Variants in SYCE1L observed in about 807,000 individuals in gnomAD.
SYCE1L encodes the protein synaptonemal complex central element protein 1 like.
SYCE1L carries 51 observed loss-of-function variants against 39.6 expected under a neutral mutation model. The observed-to-expected ratio is 1.29, with a 90% confidence interval of 1.03 to 1.63. SYCE1L has a LOEUF of 1.63. SYCE1L is among the 40% of genes most tolerant of loss of function. The probability of loss-of-function intolerance (pLI) is 0.00; values close to 1 mark genes in which losing one functional copy is unlikely to be tolerated. For synonymous variants in SYCE1L, 147 were observed against 122.4 expected, an observed-to-expected ratio of 1.20 and a Z score of -1.33; for missense variants, 426 against 304.9, an observed-to-expected ratio of 1.40 and a Z score of -2.96.
At position 77,200,291 on chromosome 16, in the gene SYCE1L, T is replaced by TATATATATATGTATATATATAC; in HGVS notation, c.61+780_61+781insTATATATATGTATATATATACA. On this transcript the variant is annotated intron_variant, in intron 1 of 10. Transcript: ENST00000378644. ...ATATATGTGTATATATATATATATA[T>TATATATATATGTATATATATAC]ACACACACTAATCAGCCGGGCGCGG... The TATATATATATGTATATATATAC allele has an allele frequency of 2.7e-5, 3 of 111,430 alleles. 1 individual carries two copies. The highest frequency in any genetic ancestry group is 5.7e-5 in the Non-Finnish European group (3 of 52,240). 6.9% of individuals were successfully genotyped at this position (111,430 alleles called of 1,614,324 possible).
At chr16:77,202,885 C>A (rs1038446753) in intron 1 of SYCE1L, among the ~76,000 whole-genome samples, 4 of 152,186 alleles carry the variant, frequency 2.6e-5, no homozygotes, top group Non-Finnish European at 4.4e-5. Flanking sequence ...TCTCTACTCT[C>A]ATGTGCATTT....
At chr16:77,212,260 C>T in intron 8 of SYCE1L, 22 bp from the exon 9 acceptor site, 3 of 1,521,062 alleles carry the variant, frequency 2.0e-6, no homozygotes, top group Non-Finnish European at 2.6e-6. Flanking sequence ...CGGCCCTGCC[C>T]CTGACGCCCG....
intron 6 of SYCE1L, 134 bp downstream of exon 6, chr16:77,209,605 G>T: frequency 6.6e-6 from 6 of 910,654 alleles, no homozygotes; most frequent in Non-Finnish European, 9.9e-6. Context: ...CCTGACAAAA[G>T]ATTTCCTTGG....
chr16:77,199,528 G>T lies in SYCE1L; in HGVS notation c.61+16G>T. ...GAGGCTGAAGGTAGTGAGGGCAAGT[G>T]GGCTGCACTCCTTTCTCTCCAACCA... On this transcript the variant is annotated intron_variant, in intron 1 of 10. Coordinates refer to ENST00000378644, the MANE Select transcript of SYCE1L (RefSeq NM_001129979.3). The T allele has an allele frequency of 2.6e-6, 4 of 1,545,032 alleles. No individual in the cohort carries two copies. Among genetic ancestry groups the T allele is most frequent in the Non-Finnish European group, 3.5e-6 (4 of 1,141,196 alleles).
chr16:77,200,389 T>G (rs1196041150), intron 1 of SYCE1L: 1 of 148,816 alleles, frequency 6.7e-6, no homozygotes, highest in Non-Finnish European at 1.5e-5. Flanking sequence ...GAGGCGGAGG[T>G]TGCAGTGAGC....
chr16:77,206,413 C>A, intron 1 of SYCE1L, 28 bp from the exon 2 acceptor site: 1 of 1,549,146 alleles, frequency 6.5e-7, no homozygotes, highest in Non-Finnish European at 8.7e-7. Context: ...CTCGCTGTGT[C>A]CTGTAATTTT....
At chr16:77,203,394 C>A (rs745914894) in intron 1 of SYCE1L, among the ~76,000 whole-genome samples, 18 of 146,698 alleles carry the variant, frequency 1.2e-4, no homozygotes, top group South Asian at 2.2e-4. Context: ...TAAAATAATA[C>A]ATACTAATTT....
At chr16:77,204,087 A>G (rs946092106) in intron 1 of SYCE1L, among the ~76,000 whole-genome samples, 4 of 151,952 alleles carry the variant, frequency 2.6e-5, no homozygotes, top group African/African-American at 9.7e-5. Context: ...AAAAAAGAAA[A>G]AGATTAAAAA....
chr16:77,200,848 AGT>A (rs1407186169), intron 1 of SYCE1L: 2 of 152,182 alleles, frequency 1.3e-5, no homozygotes, highest in East Asian at 3.8e-4. Flanking sequence ...AAATATTCAA[AGT>A]GTACCAACGT....
chr16:77,208,431 A>G (rs375064279), intron 3 of SYCE1L, 34 bp from the exon 4 acceptor site: 3 of 1,551,282 alleles, frequency 1.9e-6, no homozygotes, highest in Non-Finnish European at 2.6e-6. Flanking sequence ...TAGAGACTAC[A>G]CTCATACAGT....
Position 77,208,226 on chromosome 16 carries a change from A to G in SYCE1L, c.138A>G (p.Pro46=). 1 of 1,551,644 alleles carries G rather than the reference A, an allele frequency of 6.4e-7. No individual in the cohort carries two copies. Among genetic ancestry groups the G allele is most frequent in the Non-Finnish European group, 8.7e-7 (1 of 1,146,994 alleles). Residue 46 remains proline, a synonymous_variant, in exon 3 of 11, where the codon CCA becomes CCG. Transcript: ENST00000378644. The part of the protein sequence containing the change: ...IKLQKEGSLE[P]QIEDLISRIN... ...TTTCTTCAGAGGGAAGCCTGGAGCCACAGATAGAGGACCTGATTAGCCGGA... is the reference window on the plus strand; with the variant it reads ...TTTCTTCAGAGGGAAGCCTGGAGCCGCAGATAGAGGACCTGATTAGCCGGA...
intron 8 of SYCE1L, 41 bp from the exon 9 acceptor site, chr16:77,212,241 C>T: frequency 1.3e-6 from 2 of 1,539,652 alleles, no homozygotes; most frequent in Non-Finnish European, 1.8e-6. Flanking sequence ...GGGGGATGTG[C>T]CCGGGCCTCG....
chr16:77,209,518 A>G, intron 6 of SYCE1L, 47 bp downstream of exon 6: 1 of 1,545,894 alleles, frequency 6.5e-7, no homozygotes, highest in South Asian at 1.2e-5. Flanking sequence ...CCCCAGCTGA[A>G]AAAGGAGGGA....
At position 77,208,544 on chromosome 16, in the gene SYCE1L, G is replaced by A. The variant is rs1404973367; in HGVS notation, c.256+5G>A. ...TGCATAGGGAATTAGACTCCTGTAA[G>A]TGGGGCCAAAAGAGGGACCCATCAA... On this transcript the variant is annotated splice_donor_5th_base_variant and intron_variant, in intron 4 of 10. Transcript: ENST00000378644. 6.4e-7 allele frequency: 1 copy of A among 1,551,676 alleles called. No individual in the cohort carries two copies. The highest frequency in any genetic ancestry group is 8.7e-7 in the Non-Finnish European group (1 of 1,146,988).
At chr16:77,210,413 A>G (rs1597038223) in intron 6 of SYCE1L, among the ~76,000 whole-genome samples, 1 of 152,160 alleles carries the variant, frequency 6.6e-6, no homozygotes, top group East Asian at 1.9e-4. Flanking sequence ...TTTTAATTGC[A>G]TGGGGAAACC....
At chr16:77,200,232 GTATATATATATATATGTATATGTGTA>G (rs1454937365) in intron 1 of SYCE1L, 1 of 132,140 alleles carries the variant, frequency 7.6e-6, no homozygotes, top group Non-Finnish European at 1.6e-5. Flanking sequence ...GTATGTGTGT[GTATATATATATATATGTATATGTGTA>G]TATATATATA....
chr16:77,209,979 T>C (rs919037710), intron 6 of SYCE1L, among the ~76,000 whole-genome samples: 8 of 152,210 alleles, frequency 5.3e-5, no homozygotes, highest in African/African-American at 1.9e-4. Flanking sequence ...CTTTCCATCA[T>C]ATATTCACTT....
intron 1 of SYCE1L, chr16:77,199,803 G>A (rs946897235): frequency 1.2e-4 from 35 of 294,904 alleles, no homozygotes; most frequent in Admixed American, 5.8e-4. Flanking sequence ...TGGGGCGGTG[G>A]GGATGTTCTC....
chr16:77,202,609 G>A (rs1597381809), intron 1 of SYCE1L, among the ~76,000 whole-genome samples: 2 of 152,300 alleles, frequency 1.3e-5, no homozygotes, highest in East Asian at 1.9e-4. Flanking sequence ...AGACAATTGG[G>A]AAATTAATGT....
Sources: gnomAD v4.1 joint callset for allele counts (sites outside exome capture counted in the v4.1 genomes callset) on GRCh38, gnomAD v4.1.1 for gene constraint, MANE v1.5 for transcripts, NCBI Gene and HGNC (gene_info 2026-07-23, HGNC 2026-07-21) for gene names.